DNAH8: variants seen among roughly 807,000 people sequenced by gnomAD.
DNAH8 encodes the protein dynein axonemal heavy chain 8.
A neutral mutation model predicts 562.1 loss-of-function variants in DNAH8; 382 were observed. That is an observed-to-expected ratio of 0.68 (90% CI 0.63 to 0.74). The LOEUF is 0.74. DNAH8 is among the 30% of genes least tolerant of loss of function. DNAH8 has a pLI of 0.00. For synonymous variants in DNAH8, 1,881 were observed against 1,919.4 expected, an observed-to-expected ratio of 0.98 and a Z score of 0.52; for missense variants, 5,203 against 5,620.4, an observed-to-expected ratio of 0.93 and a Z score of 2.37.
intron 66 of DNAH8, among the ~76,000 whole-genome samples, chr6:38,913,416 T>G (rs756091377): frequency 1.3e-5 from 2 of 152,246 alleles, no homozygotes; most frequent in African/African-American, 2.4e-5. Flanking sequence ...CACAGTTATT[T>G]TCATTTTTAT....
chr6:38,745,665 A>G (rs767124219), intron 8 of DNAH8, among the ~76,000 whole-genome samples: 31 of 152,296 alleles, frequency 2.0e-4, no homozygotes, highest in Middle Eastern at 6.8e-3. Flanking sequence ...CTGGGATCCA[A>G]TCCAGGATCC....
chr6:38,796,278 A>T (rs1770241901), intron 21 of DNAH8, among the ~76,000 whole-genome samples: 2 of 152,088 alleles, frequency 1.3e-5, no homozygotes, highest in Admixed American at 1.3e-4. Context: ...TGAGCTCCTG[A>T]GATAGCAGTG....
At chr6:38,919,548 A>ATAAC (rs1781544261) in intron 70 of DNAH8, among the ~76,000 whole-genome samples, 2 of 152,220 alleles carry the variant, frequency 1.3e-5, no homozygotes, top group Non-Finnish European at 2.9e-5. Flanking sequence ...TTCAGGTTGA[A>ATAAC]TAACTACATT....
At chr6:38,768,251 T>A (rs1396085238) in intron 11 of DNAH8, among the ~76,000 whole-genome samples, 1 of 152,114 alleles carries the variant, frequency 6.6e-6, no homozygotes, top group Non-Finnish European at 1.5e-5. Flanking sequence ...ACACTATTGC[T>A]TATTTGTCTA....
chr6:39,028,571 CT>C (rs1480334067), intron 92 of DNAH8, among the ~76,000 whole-genome samples: 1 of 152,142 alleles, frequency 6.6e-6, no homozygotes, highest in African/African-American at 2.4e-5. Context: ...TCAGTATGTC[CT>C]TATCTAAACA....
In DNAH8 at chr6:38,872,722, A is replaced by G. The variant is rs377740147; in HGVS notation, c.7177A>G (p.Asn2393Asp). Residue 2393 changes from asparagine to aspartate, a missense_variant, in exon 50 of 93, where the codon AAT (asparagine) becomes GAT (aspartate). Around this residue, in one of 6 missense-constraint regions of DNAH8, gnomAD observed 2,176 missense variants for 2,365.1 expected, o/e 0.92. Transcript: ENST00000327475. ...GTTTGGCAGACTGGACACTGCTACCAATGACTGGACAGATGGGATTTTTTC... is the reference window on the plus strand; with the variant it reads ...GTTTGGCAGACTGGACACTGCTACCGATGACTGGACAGATGGGATTTTTTC... ...QMFGRLDTAT[N>D]DWTDGIFSTL... 1.2e-6 allele frequency: 2 copies of G among 1,614,148 alleles called. No homozygotes were observed. Among genetic ancestry groups the G allele is most frequent in the East Asian group, 4.5e-5 (2 of 44,846 alleles).
intron 76 of DNAH8, among the ~76,000 whole-genome samples, chr6:38,933,521 A>G (rs573609631): frequency 1.3e-5 from 2 of 152,308 alleles, no homozygotes; most frequent in East Asian, 3.9e-4. Context: ...AGGTCCTGCT[A>G]TGAAGTTTAG....
intron 10 of DNAH8, among the ~76,000 whole-genome samples, chr6:38,757,104 C>T (rs1347406009): frequency 6.9e-4 from 105 of 152,262 alleles, no homozygotes; most frequent in African/African-American, 2.5e-3. Context: ...ACACTGACTT[C>T]CACAATGGTT....
At chr6:38,917,624 G>A (rs1230440908) in intron 69 of DNAH8, among the ~76,000 whole-genome samples, 1 of 152,258 alleles carries the variant, frequency 6.6e-6, no homozygotes, top group East Asian at 1.9e-4. Context: ...GCTAGTATTG[G>A]CACAGCCTTG....
In DNAH8 at chr6:38,917,973, G is replaced by A; in HGVS notation, c.10357G>A (p.Asp3453Asn). 1 of 1,613,696 alleles carries A rather than the reference G, an allele frequency of 6.2e-7. No individual in the cohort carries two copies. The highest frequency in any genetic ancestry group is 8.5e-7 in the Non-Finnish European group (1 of 1,179,832). Residue 3453 changes from aspartate (D) to asparagine (N), a missense_variant, in exon 70 of 93, where the codon GAC becomes AAC. By Grantham distance (23) the Asp-to-Asn change is conservative (BLOSUM62 1). Transcript: ENST00000327475. ...GTGGAGCCTTCAGCAGTTCCCTAAG[G>A]ACACTATAAATGAAGAGACTGTTGA... ...FLWSLQQFPKDTINEETVELL... is the reference protein window; with the variant it reads ...FLWSLQQFPKNTINEETVELL...
Position 38,779,501 on chromosome 6 carries a change from A to G in DNAH8, c.2040-465A>G, listed in dbSNP as rs542197191. 2.6e-4 allele frequency among the ~76,000 whole-genome samples: 40 copies of G among 152,284 alleles called. 1 individual carries two copies. The East Asian group carries it at 4.2e-3, about 16-fold the overall frequency. ...GTGTGTCATTCAGTCTCTGAATGGAAGTGACATTTAGCTGACAAAGTTGTT... is the reference window on the plus strand; with the variant it reads ...GTGTGTCATTCAGTCTCTGAATGGAGGTGACATTTAGCTGACAAAGTTGTT... On this transcript the variant is annotated intron_variant, in intron 14 of 92. Transcript: ENST00000327475.
chr6:38,984,385 C>A (rs2150718486), intron 87 of DNAH8, 78 bp downstream of exon 87: 1 of 869,786 alleles, frequency 1.1e-6, no homozygotes, highest in Non-Finnish European at 1.9e-6. Context: ...AATAGGTCTG[C>A]CAAACTCAAG....
intron 3 of DNAH8, among the ~76,000 whole-genome samples, chr6:38,724,302 C>T (rs918793851): frequency 6.6e-6 from 1 of 152,106 alleles, no homozygotes; most frequent in African/African-American, 2.4e-5. Context: ...TATTTCTAAT[C>T]AGGTTTACTG....
At chr6:38,931,434 A>T (rs1410347184) in intron 75 of DNAH8, 1 of 153,104 alleles carries the variant, frequency 6.5e-6, no homozygotes, top group Non-Finnish European at 1.5e-5. Context: ...GTAGGAAACA[A>T]TTTTCTTAAC....
intron 91 of DNAH8, among the ~76,000 whole-genome samples, chr6:39,013,953 T>C (rs1489939061): frequency 1.3e-5 from 2 of 152,200 alleles, no homozygotes; most frequent in African/African-American, 2.4e-5. Flanking sequence ...ACTGGTTATG[T>C]GGCTGAATTC....
chr6:38,894,148 T>G (rs778991395), intron 58 of DNAH8, among the ~76,000 whole-genome samples: 1 of 152,206 alleles, frequency 6.6e-6, no homozygotes, highest in Non-Finnish European at 1.5e-5. Context: ...CATGAAAGAC[T>G]GTTGACTGAG....
chr6:38,940,282 C>A (rs1244630469), intron 79 of DNAH8, among the ~76,000 whole-genome samples: 1 of 151,934 alleles, frequency 6.6e-6, no homozygotes, highest in Non-Finnish European at 1.5e-5. Context: ...AGTAAAATGG[C>A]AAAACCGATG....
chr6:39,022,434 T>TG (rs564524943), intron 91 of DNAH8, among the ~76,000 whole-genome samples: 11 of 152,266 alleles, frequency 7.2e-5, no homozygotes, highest in African/African-American at 2.4e-4. Flanking sequence ...CCAAAGGAGC[T>TG]GGGGGGTCCA....
Position 38,915,380 on chromosome 6 carries a change from G to T in DNAH8, c.10140+3G>T. The T allele has an allele frequency of 1.3e-6, 2 of 1,578,644 alleles. No individual in the cohort carries two copies. Among genetic ancestry groups the T allele is most frequent in the South Asian group, 2.4e-5 (2 of 84,600 alleles). On this transcript the variant is annotated splice_donor_region_variant and intron_variant, in intron 68 of 92. Transcript: ENST00000327475. ...AAGAAGCAGAAGCAGCCCTGAATGT[G>T]AGCAGTGCATTGTTACCCCTTCCAA...
Sources: gnomAD v4.1 joint callset for allele counts (sites outside exome capture counted in the v4.1 genomes callset) on GRCh38, gnomAD v4.1.1 for gene constraint, gnomAD v4.1.1 regional missense constraint, MANE v1.5 for transcripts, NCBI Gene and HGNC (gene_info 2026-07-23, HGNC 2026-07-21) for gene names.